The following HHIPL1 variants were observed in gnomAD, a reference collection of about 807,000 sequenced individuals.
HHIPL1 encodes the protein HHIP-like protein 1.
HHIPL1 carries 43 observed loss-of-function variants against 61.8 expected under a neutral mutation model. The ratio of observed to expected loss-of-function variants is 0.70; its 90% confidence interval spans 0.55 to 0.90. The LOEUF is 0.90. Among genes scored for constraint, HHIPL1 ranks in the 40% least tolerant of loss-of-function variants. The pLI, the probability that HHIPL1 is intolerant of heterozygous loss-of-function variation, is 0.00. For synonymous variants in HHIPL1, 482 were observed against 515.8 expected (o/e 0.93, Z 0.89); for missense variants, 1,056 against 1,157.7 (o/e 0.91, Z 1.28).
intron 3 of HHIPL1, among the ~76,000 whole-genome samples, 174 bp downstream of exon 3, chr14:99,657,317 A>G (rs1184530726): frequency 6.6e-6 from 1 of 152,144 alleles, no homozygotes; most frequent in Non-Finnish European, 1.5e-5. Flanking sequence ...ACTTGCCCTC[A>G]TCAGTTAGAG....
the HHIPL1 span, among the ~76,000 whole-genome samples, chr14:99,609,839 C>A: frequency 3.9e-5 from 6 of 152,196 alleles, no homozygotes; most frequent in Admixed American, 3.9e-4. Flanking sequence ...CACATGTTGA[C>A]AAAAAGCCTC....
rs147110065 is a variant in HHIPL1 at position 99,668,337 on chromosome 14, C to T, written c.1730+34C>T. On this transcript the variant is annotated intron_variant, in intron 7 of 8. Coordinates refer to ENST00000330710, the MANE Select transcript of HHIPL1 (RefSeq NM_001127258.3). The surrounding 1 kb of genome is among the most constrained non-coding windows in gnomAD (Gnocchi z 4.7). ...CAGCCTCCAGGACAGGGAGCTCCTG[C>T]TGTCTGTCAGGCCTCTTAGCTCCAC... The T allele has an allele frequency of 8.1e-4, 1,083 of 1,342,650 alleles. 5 individuals are homozygous for T. The African/African-American group carries it at 0.013, about 16-fold the overall frequency. The allele number at this position is 1,342,650 out of a possible 1,614,324, so 83.2% of individuals were successfully genotyped here. A position where few individuals can be genotyped will look rare whatever the true frequency, so the allele number is the denominator to read the frequency against.
At chr14:99,608,562 T>G in the HHIPL1 span, among the ~76,000 whole-genome samples, 47 of 152,296 alleles carry the variant, frequency 3.1e-4, no homozygotes, top group African/African-American at 1.1e-3. Context: ...TGGTGGTAGC[T>G]GAATCTTCTT....
rs556280709 is a variant in HHIPL1, at chr14:99,645,952, G to A, written c.255+490G>A. ...GGCCCGGGTTTGTTGAGGGGGTTGG[G>A]GCCACTGTCCCCCACGAGCGTCTCA... On this transcript the variant is annotated intron_variant, in intron 1 of 8. Transcript: ENST00000330710. 1.1e-4 allele frequency among the ~76,000 whole-genome samples: 17 copies of A among 152,312 alleles called. No individual in the cohort carries two copies. In the South Asian group the frequency reaches 3.3e-3, roughly 30 times the overall value.
chr14:99,659,451 T>TGC lies in HHIPL1; in HGVS notation c.1073_1074dup (p.Ile359AlafsTer132), dbSNP rs781635564. 4.1e-4 allele frequency: 620 copies of TGC among 1,498,950 alleles called. 6 individuals carry two copies. The highest frequency in any genetic ancestry group is 1.1e-5 in the Non-Finnish European group (12 of 1,127,374). 92.9% of individuals were successfully genotyped at this position (1,498,950 alleles called of 1,614,324 possible). A position where few individuals can be genotyped will look rare whatever the true frequency, so the allele number is the denominator to read the frequency against. ...AGGTCGGCGCTGCTGGGCAAGGTGC[T>TGC]GCGCATCGACGTGGACCGTAAGGAG... On this transcript the variant is annotated frameshift_variant, in exon 4 of 9. Transcript: ENST00000330710. LOFTEE classifies it high-confidence loss of function.
chr14:99,627,655 A>G, the HHIPL1 span, among the ~76,000 whole-genome samples: 4 of 152,240 alleles, frequency 2.6e-5, no homozygotes, highest in African/African-American at 9.6e-5. This position sits in a 1 kb window ranked among gnomAD's most constrained non-coding sequence, Gnocchi z 4.4. Context: ...CAACTGCAAG[A>G]GGCAGGAAAG....
chr14:99,616,084 G>A, the HHIPL1 span, among the ~76,000 whole-genome samples: 4 of 152,308 alleles, frequency 2.6e-5, no homozygotes, highest in African/African-American at 4.8e-5. Context: ...CATTTTAGTC[G>A]GGGTCACATA....
intron 7 of HHIPL1, among the ~76,000 whole-genome samples, chr14:99,671,921 G>A (rs145710309): frequency 0.011 from 1,701 of 152,316 alleles, 23 homozygotes; most frequent in African/African-American, 0.039. Flanking sequence ...TGTAGGGCTG[G>A]TGGGAGAGGG....
chr14:99,669,883 C>G (rs1237595776), intron 7 of HHIPL1, among the ~76,000 whole-genome samples: 1 of 152,178 alleles, frequency 6.6e-6, no homozygotes, highest in Non-Finnish European at 1.5e-5. Context: ...TATGATCGCA[C>G]CACTGCCCTC....
chr14:99,615,674 AGAAG>A, the HHIPL1 span, among the ~76,000 whole-genome samples: 8 of 151,674 alleles, frequency 5.3e-5, no homozygotes, highest in Middle Eastern at 6.8e-3. Context: ...AGAAAAAGAA[AGAAG>A]GAAGGAAAGA....
In HHIPL1 at chr14:99,645,311, C is replaced by T; in HGVS notation, c.104C>T (p.Pro35Leu). ...AGGCCGCCCTTCCGGCCGACGCAGC[C>T]GCTGCGCCTCTGCGCGCAGTACTCG... ...DFRPPFRPTQPLRLCAQYSDF... is the reference protein window; with the variant it reads ...DFRPPFRPTQLLRLCAQYSDF... The change falls in exon 1 of 9, where the codon CCG (proline) becomes CTG (leucine). Residue 35 changes from proline to leucine, a missense_variant. Physicochemically the swap from Pro to Leu is moderately conservative, Grantham distance 98 (BLOSUM62 -3). Transcript: ENST00000330710. 6.9e-7 allele frequency: 1 copy of T among 1,454,472 alleles called. No individual in the cohort carries two copies. Among genetic ancestry groups the T allele is most frequent in the Non-Finnish European group, 9.0e-7 (1 of 1,108,226 alleles). The allele number at this position is 1,454,472 out of a possible 1,614,324, so 90.1% of individuals were successfully genotyped here. A position where few individuals can be genotyped will look rare whatever the true frequency, so the allele number is the denominator to read the frequency against.
chr14:99,613,774 A>T, the HHIPL1 span, among the ~76,000 whole-genome samples: 1 of 151,888 alleles, frequency 6.6e-6, no homozygotes. Flanking sequence ...AGCCGGGCGC[A>T]GTGGTGCACA....
chr14:99,636,832 A>G, the HHIPL1 span, among the ~76,000 whole-genome samples: 11 of 150,870 alleles, frequency 7.3e-5, no homozygotes, highest in South Asian at 1.7e-3. Flanking sequence ...ACAAAAAAAT[A>G]AAAAATTAGC....
At position 99,677,282 on chromosome 14, in the gene HHIPL1, C is replaced by T. The variant is rs1184318036; in HGVS notation, c.*1656C>T. 1 of 152,234 alleles carries T rather than the reference C, an allele frequency of 6.6e-6. No individual in the cohort carries two copies. Among genetic ancestry groups the T allele is most frequent in the East Asian group, 1.9e-4 (1 of 5,176 alleles). The allele number at this position is 152,234 out of a possible 1,614,324, so 9.4% of individuals were successfully genotyped here. The stretch of plus-strand genomic sequence containing the variant: ...CAGCTTAGTTTAGAGTCCCCGCACC[C>T]TAACCACTGCCCTCCCCAGCTACAC... On this transcript the variant is annotated 3_prime_UTR_variant, in exon 9 of 9. Coordinates refer to ENST00000330710, the MANE Select transcript of HHIPL1 (RefSeq NM_001127258.3). The surrounding 1 kb of genome is among the most constrained non-coding windows in gnomAD (Gnocchi z 4.3).
chr14:99,668,700 C>A lies in HHIPL1; in HGVS notation c.1730+397C>A. ...CAGCCCCCAATTTGCCTCTGTGATG[C>A]CTCCCAGATGACACCCTGATCCCTG... On this transcript the variant is annotated intron_variant, in intron 7 of 8. Coordinates refer to ENST00000330710, the MANE Select transcript of HHIPL1 (RefSeq NM_001127258.3). The surrounding 1 kb of genome is among the most constrained non-coding windows in gnomAD (Gnocchi z 4.7). 1 of 511,958 alleles carries A rather than the reference C, an allele frequency of 2.0e-6. No individual in the cohort carries two copies. Among genetic ancestry groups the A allele is most frequent in the Non-Finnish European group, 3.3e-6 (1 of 302,028 alleles). The allele number at this position is 511,958 out of a possible 1,614,324, so 31.7% of individuals were successfully genotyped here.
intron 1 of HHIPL1, among the ~76,000 whole-genome samples, chr14:99,651,138 A>G (rs1249907546): frequency 1.3e-5 from 2 of 152,130 alleles, no homozygotes; most frequent in Non-Finnish European, 2.9e-5. Flanking sequence ...AGTCCCAGCT[A>G]CTCAGGAGGC....
chr14:99,635,118 G>A, the HHIPL1 span, among the ~76,000 whole-genome samples: 4 of 152,060 alleles, frequency 2.6e-5, no homozygotes, highest in South Asian at 4.2e-4. Context: ...GACACTCAAC[G>A]AGCTGGAGGT....
the HHIPL1 span, among the ~76,000 whole-genome samples, chr14:99,632,121 C>T: frequency 6.6e-6 from 1 of 152,220 alleles, no homozygotes; most frequent in African/African-American, 2.4e-5. Context: ...GCACTAGAGT[C>T]TCTGTCATCC....
At chr14:99,659,961 G>C (rs1408021128) in intron 4 of HHIPL1, among the ~76,000 whole-genome samples, 1 of 149,770 alleles carries the variant, frequency 6.7e-6, no homozygotes, top group East Asian at 2.0e-4. Context: ...CCTGACCCTG[G>C]ATCTGCCCCC....
Sources: allele counts gnomAD v4.1 joint callset (sites outside exome capture counted in the v4.1 genomes callset), GRCh38; gene constraint gnomAD v4.1.1; non-coding constraint Gnocchi (gnomAD v3.1); transcripts MANE v1.5; gene names NCBI Gene and HGNC (gene_info 2026-07-23, HGNC 2026-07-21).